Variants in IGSF21 observed in about 807,000 individuals in gnomAD.
IGSF21 encodes the protein immunoglobin superfamily member 21.
A neutral mutation model predicts 46.8 loss-of-function variants in IGSF21; 28 were observed. That is an observed-to-expected ratio of 0.60 (90% CI 0.44 to 0.82). IGSF21 has a LOEUF of 0.82. Ranked by LOEUF, IGSF21 falls within the 40% of genes least tolerant of loss-of-function variation. The pLI is 0.00. For synonymous variants in IGSF21, 284 were observed against 273.6 expected (o/e 1.04, Z -0.38); for missense variants, 624 against 665.5 (o/e 0.94, Z 0.69).
chr1:18,247,840 C>G (rs552724335), intron 2 of IGSF21, among the ~76,000 whole-genome samples: 1 of 152,306 alleles, frequency 6.6e-6, no homozygotes, highest in East Asian at 1.9e-4. Context: ...GAAAGGCAAT[C>G]ATTTGCTCAA....
chr1:18,281,215 G>A (rs1181430938), intron 2 of IGSF21, among the ~76,000 whole-genome samples: 1 of 91,598 alleles, frequency 1.1e-5, no homozygotes, highest in African/African-American at 4.7e-5. Context: ...GAAAGAATGG[G>A]AAGCTGAGGT....
intron 2 of IGSF21, among the ~76,000 whole-genome samples, chr1:18,278,531 T>C (rs562234301): frequency 7.1e-6 from 1 of 140,786 alleles, no homozygotes; most frequent in Non-Finnish European, 1.5e-5. Context: ...GTAAGGTTTT[T>C]TTTGTTTGTT....
Position 18,320,525 on chromosome 1 carries a change from A to AGG in IGSF21, c.306-14367_306-14366insGG, listed in dbSNP as rs1223654742. Among the ~76,000 whole-genome samples, 3 of 152,168 alleles carry AGG rather than the reference A, an allele frequency of 2.0e-5. No homozygotes were observed. The East Asian group carries it at 5.8e-4, about 29-fold the overall frequency. On this transcript the variant is annotated intron_variant, in intron 3 of 9. Transcript: ENST00000251296. ...CGGGAGTCAGGTTTGGCCCCGGGTC[A>AGG]TCCATCAGCTGACCTGGTTGGGAAA...
intron 2 of IGSF21, among the ~76,000 whole-genome samples, chr1:18,284,218 T>A (rs2085190630): frequency 6.6e-6 from 1 of 152,218 alleles, no homozygotes; most frequent in South Asian, 2.1e-4. Flanking sequence ...GTGCCCAGCC[T>A]TGCAGGGCGC....
At chr1:18,161,152 G>A (rs190728407) in intron 1 of IGSF21, among the ~76,000 whole-genome samples, 5 of 152,200 alleles carry the variant, frequency 3.3e-5, no homozygotes, top group South Asian at 2.1e-4. Flanking sequence ...CCCGTGACTC[G>A]GCCCTCTCCC....
rs1399425458 is a variant in IGSF21, at chr1:18,335,220, C to T, written c.424+210C>T. 6.6e-6 allele frequency among the ~76,000 whole-genome samples: 1 copy of T among 152,182 alleles called. No individual in the cohort carries two copies. The highest frequency in any genetic ancestry group is 1.5e-5 in the Non-Finnish European group (1 of 68,026). Reference sequence around the variant, plus strand: ...CCGTGAAGTCTTGCCCCCCATGGGCCTCCCCTCAGGAGGTCCCCTTCTCAG... The same window carrying T: ...CCGTGAAGTCTTGCCCCCCATGGGCTTCCCCTCAGGAGGTCCCCTTCTCAG... On this transcript the variant is annotated intron_variant, in intron 4 of 9. Transcript: ENST00000251296. The surrounding 1 kb of genome is among the most constrained non-coding windows in gnomAD (Gnocchi z 4.8).
chr1:18,244,867 G>T (rs1810283), intron 2 of IGSF21, among the ~76,000 whole-genome samples: 142,927 of 152,244 alleles, frequency 0.94, 67,747 homozygotes, highest in East Asian at 1. Flanking sequence ...TTTTAAGGTA[G>T]AAAAATGTAT....
At chr1:18,252,135 C>A (rs1427390324) in intron 2 of IGSF21, among the ~76,000 whole-genome samples, 3 of 146,402 alleles carry the variant, frequency 2.0e-5, no homozygotes, top group Non-Finnish European at 3.0e-5. Flanking sequence ...ACTGCAAGCT[C>A]CGCCTCCTGG....
chr1:18,359,338 A>AAAGAAAGAAAGAAAG (rs1557659426), intron 4 of IGSF21, among the ~76,000 whole-genome samples: 480 of 35,120 alleles, frequency 0.014, 34 homozygotes, highest in East Asian at 0.019. Flanking sequence ...AAGAGAAAGA[A>AAAGAAAGAAAGAAAG]AAAGAAAGAA....
rs1427960655 is a variant in IGSF21 at position 18,337,027 on chromosome 1, C to T, written c.424+2017C>T. Among the ~76,000 whole-genome samples, 2 of 152,214 alleles carry T rather than the reference C, an allele frequency of 1.3e-5. No individual in the cohort carries two copies. Among genetic ancestry groups the T allele is most frequent in the Non-Finnish European group, 2.9e-5 (2 of 68,038 alleles). On this transcript the variant is annotated intron_variant, in intron 4 of 9. Transcript: ENST00000251296. The surrounding 1 kb of genome is among the most constrained non-coding windows in gnomAD (Gnocchi z 5.7). ...GTTATCTCCCACTAGGTCCCTCCTA[C>T]AACACATGGGAATTGTGGGAGCTAC...
intron 4 of IGSF21, among the ~76,000 whole-genome samples, chr1:18,338,708 G>A (rs1336407732): frequency 6.6e-6 from 1 of 152,234 alleles, no homozygotes; most frequent in Non-Finnish European, 1.5e-5. Context: ...ATCCCACTGT[G>A]TGGTGGGGAA....
chr1:18,146,747 C>A (rs952956046), intron 1 of IGSF21, among the ~76,000 whole-genome samples: 2 of 152,138 alleles, frequency 1.3e-5, no homozygotes, highest in Non-Finnish European at 2.9e-5. Flanking sequence ...CTCTCCCCAG[C>A]CTTTCTTCCA....
At chr1:18,178,837 CG>C (rs2086829873) in intron 1 of IGSF21, among the ~76,000 whole-genome samples, 1 of 151,982 alleles carries the variant, frequency 6.6e-6, no homozygotes, top group Non-Finnish European at 1.5e-5. Context: ...GGCAGCAGTT[CG>C]GGGAGCGAGC....
intron 2 of IGSF21, among the ~76,000 whole-genome samples, chr1:18,254,454 G>C (rs1022795655): frequency 5.5e-5 from 8 of 145,324 alleles, no homozygotes; most frequent in African/African-American, 2.2e-4. Context: ...CCTAGAGTTA[G>C]ATTCAAAAAC....
chr1:18,117,575 A>G (rs1446350437), intron 1 of IGSF21, among the ~76,000 whole-genome samples: 2 of 152,148 alleles, frequency 1.3e-5, no homozygotes, highest in African/African-American at 4.8e-5. Flanking sequence ...GCGTGAATGG[A>G]TAATACCAGG....
intron 1 of IGSF21, among the ~76,000 whole-genome samples, chr1:18,208,395 A>ATATATATATTT (rs369367032): frequency 1.6e-5 from 2 of 123,766 alleles, no homozygotes; most frequent in African/African-American, 2.8e-5. Context: ...ATATATATAT[A>ATATATATATTT]TTTTTTGAGA....
chr1:18,241,063 C>T (rs2084722519), intron 2 of IGSF21, among the ~76,000 whole-genome samples: 1 of 152,058 alleles, frequency 6.6e-6, no homozygotes, highest in Non-Finnish European at 1.5e-5. Context: ...CTGTAAATGT[C>T]CAGAGAAAGT....
chr1:18,346,516 C>T (rs1261124382), intron 4 of IGSF21, among the ~76,000 whole-genome samples: 1 of 151,972 alleles, frequency 6.6e-6, no homozygotes, highest in East Asian at 1.9e-4. Context: ...AGTGGCCGGA[C>T]ATAAGAGGCC....
chr1:18,307,780 C>T (rs1377129636), intron 3 of IGSF21, among the ~76,000 whole-genome samples: 2 of 152,182 alleles, frequency 1.3e-5, no homozygotes, highest in Non-Finnish European at 2.9e-5. Context: ...TAAAAGGAAT[C>T]ACAATTCTGA....
Sources: gnomAD v4.1 joint callset for allele counts (sites outside exome capture counted in the v4.1 genomes callset) on GRCh38, gnomAD v4.1.1 for gene constraint, Gnocchi (gnomAD v3.1) non-coding constraint, MANE v1.5 for transcripts, NCBI Gene and HGNC (gene_info 2026-07-23, HGNC 2026-07-21) for gene names.